LPL: variants seen among roughly 807,000 people sequenced by gnomAD.
LPL encodes the protein lipoprotein lipase.
Under a neutral mutation model 52.2 loss-of-function variants are expected in LPL, and 43 were observed. The ratio of observed to expected loss-of-function variants is 0.82; its 90% confidence interval spans 0.64 to 1.06. LPL has a LOEUF of 1.06. Among genes scored for constraint, LPL ranks in the 50% least tolerant of loss-of-function variants. The pLI, the probability that LPL is intolerant of heterozygous loss-of-function variation, is 0.00. For synonymous variants in LPL, 244 were observed against 215.6 expected (o/e 1.13, Z -1.15); for missense variants, 639 against 585.3 (o/e 1.09, Z -0.95).
intron 7 of LPL, among the ~76,000 whole-genome samples, chr8:19,960,496 C>T (rs1015677214): frequency 1.3e-5 from 2 of 151,876 alleles, no homozygotes; most frequent in Admixed American, 1.3e-4. Flanking sequence ...GTAGGAAACC[C>T]AGGAAAACAT....
chr8:19,952,090 ATTTT>A, intron 3 of LPL, 142 bp downstream of exon 3: 7 of 920,524 alleles, frequency 7.6e-6, no homozygotes, highest in South Asian at 1.5e-5. Context: ...CGTGGATATT[ATTTT>A]ATATCCAAAA....
intron 5 of LPL, 115 bp downstream of exon 5, chr8:19,954,468 T>C: frequency 9.7e-7 from 1 of 1,026,538 alleles, no homozygotes; most frequent in Admixed American, 2.0e-5. Context: ...TTTGGCCAAA[T>C]TATGTTTCTG....
At chr8:19,953,468 G>A (rs1429873960) in intron 4 of LPL, 47 bp downstream of exon 4, 3 of 1,389,712 alleles carry the variant, frequency 2.2e-6, no homozygotes, top group South Asian at 2.3e-5. Context: ...TGAAAAGACT[G>A]TCATTCTGAG....
rs886976709 is a variant in LPL at position 19,939,369 on chromosome 8, T to C, written c.-72T>C. The C allele has an allele frequency of 2.5e-5, 37 of 1,487,692 alleles. 1 individual carries two copies. In the African/African-American group the frequency reaches 3.9e-4, roughly 16 times the overall value. 92.2% of individuals were successfully genotyped at this position (1,487,692 alleles called of 1,614,324 possible). A position where few individuals can be genotyped will look rare whatever the true frequency, so the allele number is the denominator to read the frequency against. On this transcript the variant is annotated 5_prime_UTR_variant, in exon 1 of 10. Coordinates refer to ENST00000650287, the MANE Select transcript of LPL (RefSeq NM_000237.3). This position sits in a 1 kb window ranked among gnomAD's most constrained non-coding sequence, Gnocchi z 4.0. The stretch of plus-strand genomic sequence containing the variant: ...GCGCCAAACCGCGGCTCCAGCCCTC[T>C]CCAGCCTCCGGCTCAGCCGGCTCAT...
chr8:19,939,594 G>C lies in LPL; in HGVS notation c.88+66G>C. 2.0e-6 allele frequency: 3 copies of C among 1,495,338 alleles called. No individual in the cohort carries two copies. The highest frequency in any genetic ancestry group is 2.4e-5 in the East Asian group (1 of 41,906). The allele number at this position is 1,495,338 out of a possible 1,614,324, so 92.6% of individuals were successfully genotyped here. On this transcript the variant is annotated intron_variant, in intron 1 of 9. Transcript: ENST00000650287. The surrounding 1 kb of genome is among the most constrained non-coding windows in gnomAD (Gnocchi z 4.0). ...GCGGGTGGCCACTGCCACCCGAACT[G>C]AGGATGAGAAGAAGGAAGTTGGAAG...
chr8:19,946,214 T>C (rs908086365), intron 1 of LPL, among the ~76,000 whole-genome samples: 1 of 152,166 alleles, frequency 6.6e-6, no homozygotes, highest in Admixed American at 6.5e-5. Context: ...AGATCAATAG[T>C]TTAGCAAGAC....
intron 1 of LPL, among the ~76,000 whole-genome samples, chr8:19,945,558 C>A (rs543761365): frequency 6.6e-6 from 1 of 152,198 alleles, no homozygotes; most frequent in East Asian, 1.9e-4. Flanking sequence ...TACTCTGGAC[C>A]CAACAGAGGG....
intron 3 of LPL, among the ~76,000 whole-genome samples, chr8:19,952,162 C>A (rs990699375): frequency 6.6e-6 from 1 of 152,130 alleles, no homozygotes; most frequent in Admixed American, 6.5e-5. Flanking sequence ...CCTGCTCTAT[C>A]GTTTGATATT....
intron 1 of LPL, among the ~76,000 whole-genome samples, chr8:19,941,731 A>C (rs555478838): frequency 6.6e-6 from 1 of 152,286 alleles, no homozygotes; most frequent in South Asian, 2.1e-4. Flanking sequence ...GCATTCATCT[A>C]GGAAGGTAAG....
At chr8:19,963,764 C>T (rs2070060954) in intron 9 of LPL, among the ~76,000 whole-genome samples, 1 of 152,052 alleles carries the variant, frequency 6.6e-6, no homozygotes, top group South Asian at 2.1e-4. Flanking sequence ...TAAGAGCATT[C>T]AGGATAAACT....
chr8:19,951,513 C>T (rs115589061), intron 2 of LPL, among the ~76,000 whole-genome samples: 1 of 152,110 alleles, frequency 6.6e-6, no homozygotes, highest in Admixed American at 6.5e-5. Context: ...CTAAAATATA[C>T]TTTTTAAATG....
Position 19,966,025 on chromosome 8 carries a change from T to C in LPL, c.*715T>C, listed in dbSNP as rs1175380159. ...TTATTGCTTAATCCCTCTCTCCCCCTTCTTTTTTGTCTCAAGATTATATTA... is the reference window on the plus strand; with the variant it reads ...TTATTGCTTAATCCCTCTCTCCCCCCTCTTTTTTGTCTCAAGATTATATTA... On this transcript the variant is annotated 3_prime_UTR_variant, in exon 10 of 10. Coordinates refer to ENST00000650287, the MANE Select transcript of LPL (RefSeq NM_000237.3). 1.3e-5 allele frequency: 2 copies of C among 152,140 alleles called. No individual in the cohort carries two copies. Among genetic ancestry groups the C allele is most frequent in the African/African-American group, 2.4e-5 (1 of 41,428 alleles). 9.4% of individuals were successfully genotyped at this position (152,140 alleles called of 1,614,324 possible).
At position 19,939,437 on chromosome 8, in the gene LPL, C is replaced by G. The variant is rs760160365; in HGVS notation, c.-4C>G. ...GCAGCTCCTCCAGAGGGACGCGCCC[C>G]GAGATGGAGAGCAAAGCCCTGCTCG... On this transcript the variant is annotated 5_prime_UTR_variant, in exon 1 of 10. Coordinates refer to ENST00000650287, the MANE Select transcript of LPL (RefSeq NM_000237.3). The surrounding 1 kb of genome is among the most constrained non-coding windows in gnomAD (Gnocchi z 4.0). 8 of 1,607,004 alleles carry G rather than the reference C, an allele frequency of 5.0e-6. No individual in the cohort carries two copies. Among genetic ancestry groups the G allele is most frequent in the Non-Finnish European group, 3.4e-6 (4 of 1,177,386 alleles).
rs2069869526 is a variant in LPL, at chr8:19,944,841, T to C, written c.89-3339T>C. Among the ~76,000 whole-genome samples, 1 of 152,216 alleles carries C rather than the reference T, an allele frequency of 6.6e-6. No homozygotes were observed. Among genetic ancestry groups the C allele is most frequent in the African/African-American group, 2.4e-5 (1 of 41,464 alleles). On this transcript the variant is annotated intron_variant, in intron 1 of 9. Transcript: ENST00000650287. The surrounding 1 kb of genome is among the most constrained non-coding windows in gnomAD (Gnocchi z 4.2). ...GTCAGGAAAGGCACAATTTATAACT[T>C]GCGTGTTACCCAAAACTCTCCCCTA... is the stretch of plus-strand genomic sequence containing the variant.
At chr8:19,957,023 C>T (rs1179294298) in intron 6 of LPL, among the ~76,000 whole-genome samples, 1 of 152,092 alleles carries the variant, frequency 6.6e-6, no homozygotes, top group African/African-American at 2.4e-5. Context: ...GGGGTTTCAC[C>T]GTGTTGACCA....
At chr8:19,940,261 G>T (rs1042171687) in intron 1 of LPL, among the ~76,000 whole-genome samples, 4 of 152,222 alleles carry the variant, frequency 2.6e-5, no homozygotes, top group African/African-American at 9.6e-5. Flanking sequence ...GCGAGGGGCT[G>T]ACCCTCCCGA....
Position 19,965,347 on chromosome 8 carries a change from A to C in LPL, c.*37A>C. On this transcript the variant is annotated 3_prime_UTR_variant, in exon 10 of 10. Coordinates refer to ENST00000650287, the MANE Select transcript of LPL (RefSeq NM_000237.3). ...TCTACAGAACAAAGAACGGCATGTG[A>C]ATTCTGTGAAGAATGAAGTGGAGGA... 1.3e-6 allele frequency: 1 copy of C among 780,604 alleles called. No individual in the cohort carries two copies. Among genetic ancestry groups the C allele is most frequent in the Non-Finnish European group, 2.4e-6 (1 of 417,948 alleles). The allele number at this position is 780,604 out of a possible 1,614,324, so 48.4% of individuals were successfully genotyped here.
rs1337501192 is a variant in LPL at position 19,939,621 on chromosome 8, G to A, written c.88+93G>A. The A allele has an allele frequency of 5.3e-6, 7 of 1,313,078 alleles. No homozygotes were observed. In the South Asian group the frequency reaches 8.9e-5, roughly 17 times the overall value. 81.3% of individuals were successfully genotyped at this position (1,313,078 alleles called of 1,614,324 possible). A position where few individuals can be genotyped will look rare whatever the true frequency, so the allele number is the denominator to read the frequency against. On this transcript the variant is annotated intron_variant, in intron 1 of 9. Coordinates refer to ENST00000650287, the MANE Select transcript of LPL (RefSeq NM_000237.3). The surrounding 1 kb of genome is among the most constrained non-coding windows in gnomAD (Gnocchi z 4.0). ...GGATGAGAAGAAGGAAGTTGGAAGG[G>A]GCGGTGGATGCGCCCAGGGACTCTC...
chr8:19,962,224 G>A lies in LPL; in HGVS notation c.1427+5G>A. 1 of 1,611,266 alleles carries A rather than the reference G, an allele frequency of 6.2e-7. No individual in the cohort carries two copies. Among genetic ancestry groups the A allele is most frequent in the Non-Finnish European group, 8.5e-7 (1 of 1,177,578 alleles). On this transcript the variant is annotated splice_donor_5th_base_variant and intron_variant, in intron 9 of 9. Transcript: ENST00000650287. ...TCTGAATAAGAAGTCAGGCTGGTGA[G>A]CATTCTGGGCTAAAGCTGACTGGGC...
Sources: gnomAD v4.1 joint callset for allele counts (sites outside exome capture counted in the v4.1 genomes callset) on GRCh38, gnomAD v4.1.1 for gene constraint, Gnocchi (gnomAD v3.1) non-coding constraint, MANE v1.5 for transcripts, NCBI Gene and HGNC (gene_info 2026-07-23, HGNC 2026-07-21) for gene names.